PITPNC1: variants seen among roughly 807,000 people sequenced by gnomAD.
The protein encoded by PITPNC1 is cytoplasmic phosphatidylinositol transfer protein 1.
In PITPNC1, 18 loss-of-function variants were observed where a neutral mutation model predicts 44.7. That is an observed-to-expected ratio of 0.40 (90% CI 0.28 to 0.60). The LOEUF (loss-of-function observed/expected upper bound fraction) is 0.60. Ranked by LOEUF, PITPNC1 falls within the 20% of genes least tolerant of loss-of-function variation. PITPNC1 has a pLI of 0.39. For missense variants in PITPNC1, 290 were observed against 418.4 expected, an observed-to-expected ratio of 0.69 and a Z score of 2.68; for synonymous variants, 141 against 149.6, an observed-to-expected ratio of 0.94 and a Z score of 0.42.
intron 1 of PITPNC1, among the ~76,000 whole-genome samples, chr17:67,481,849 G>A (rs1007078903): frequency 9.2e-5 from 14 of 151,914 alleles, no homozygotes; most frequent in South Asian, 2.1e-4. Flanking sequence ...TTGAGAAACC[G>A]GACCAATAAC....
chr17:67,529,688 T>C (rs2144123180), intron 1 of PITPNC1, among the ~76,000 whole-genome samples: 1 of 152,302 alleles, frequency 6.6e-6, no homozygotes, highest in East Asian at 1.9e-4. Context: ...GGCTCATGCC[T>C]GTAATCCCAG....
Position 67,559,403 on chromosome 17 carries a change from C to T in PITPNC1, c.294+5786C>T, listed in dbSNP as rs116466044. Among the ~76,000 whole-genome samples, 1,468 of 152,284 alleles carry T rather than the reference C, an allele frequency of 9.6e-3. 22 individuals are homozygous for T. Among genetic ancestry groups the T allele is most frequent in the African/African-American group, 0.033 (1,384 of 41,552 alleles). On this transcript the variant is annotated intron_variant, in intron 4 of 8. Transcript: ENST00000581322. ...TTGAGGCCATGGAGTCAGGAGTTAG[C>T]GGGTTAGGAAATAACTTTTATCTAT... is the stretch of plus-strand genomic sequence containing the variant.
chr17:67,570,246 G>A lies in PITPNC1; in HGVS notation c.295-7940G>A, dbSNP rs1363169944. 2.0e-5 allele frequency among the ~76,000 whole-genome samples: 3 copies of A among 152,326 alleles called. No homozygotes were observed. In the East Asian group the frequency reaches 5.8e-4, roughly 29 times the overall value. On this transcript the variant is annotated intron_variant, in intron 4 of 8. Coordinates refer to ENST00000581322, the MANE Select transcript of PITPNC1 (RefSeq NM_012417.4). ...GTTCCCTGCATGAAGTCAGCAGGGG[G>A]CCAAGGGAAAGCTCAGAGAAGAGGC...
At chr17:67,590,810 G>A (rs145543436) in intron 5 of PITPNC1, among the ~76,000 whole-genome samples, 183 of 152,102 alleles carry the variant, frequency 1.2e-3, no homozygotes, top group African/African-American at 4.0e-3. Context: ...AAGATTAGCC[G>A]GGCGTGGTGG....
intron 6 of PITPNC1, among the ~76,000 whole-genome samples, chr17:67,656,330 G>A (rs912996930): frequency 3.9e-5 from 6 of 152,058 alleles, no homozygotes; most frequent in Non-Finnish European, 7.4e-5. Flanking sequence ...CTTGGTTTGT[G>A]ACTCCTTAAC....
At chr17:67,439,596 T>G (rs2038983871) in intron 1 of PITPNC1, among the ~76,000 whole-genome samples, 1 of 152,198 alleles carries the variant, frequency 6.6e-6, no homozygotes. Flanking sequence ...CTCTTCCACA[T>G]TTCACTCATT....
intron 1 of PITPNC1, among the ~76,000 whole-genome samples, chr17:67,434,797 CAAAA>C (rs148706274): frequency 1.9e-5 from 1 of 51,794 alleles, no homozygotes; most frequent in African/African-American, 7.8e-5. Context: ...GACTCTGCCT[CAAAA>C]AAAAAAAAAA....
At chr17:67,661,251 T>C (rs886799234) in intron 6 of PITPNC1, among the ~76,000 whole-genome samples, 3 of 151,954 alleles carry the variant, frequency 2.0e-5, no homozygotes, top group South Asian at 2.1e-4. Flanking sequence ...CTGGCAAAAT[T>C]AATAGAGAAG....
At chr17:67,495,048 T>G (rs1426846172) in intron 1 of PITPNC1, among the ~76,000 whole-genome samples, 5 of 62,780 alleles carry the variant, frequency 8.0e-5, no homozygotes, top group Non-Finnish European at 1.5e-4. Context: ...TTGTTTTTTT[T>G]TTTGTTTTTT....
At chr17:67,599,030 ATATATTTTTTTTTTT>A (rs2041504490) in intron 5 of PITPNC1, among the ~76,000 whole-genome samples, 2 of 30,204 alleles carry the variant, frequency 6.6e-5, no homozygotes, top group Non-Finnish European at 1.2e-4. Context: ...ATATATATAT[ATATATTTTTTTTTTT>A]TTTTTTTTTA....
At chr17:67,673,944 G>A (rs2042556191) in intron 7 of PITPNC1, among the ~76,000 whole-genome samples, 1 of 145,912 alleles carries the variant, frequency 6.9e-6, no homozygotes, top group Non-Finnish European at 1.5e-5. Flanking sequence ...TCCAGCCTAG[G>A]GGACAGAGCG....
chr17:67,633,257 A>G (rs1353176811), intron 6 of PITPNC1, among the ~76,000 whole-genome samples: 2 of 152,234 alleles, frequency 1.3e-5, no homozygotes, highest in Non-Finnish European at 2.9e-5. Context: ...GAGCCGTAAC[A>G]CGTGGACCTT....
At chr17:67,471,240 T>TAAA (rs758005772) in intron 1 of PITPNC1, among the ~76,000 whole-genome samples, 3 of 118,354 alleles carry the variant, frequency 2.5e-5, no homozygotes, top group African/African-American at 3.2e-5. Flanking sequence ...AAAAAAAATG[T>TAAA]AAAAAAAAAA....
chr17:67,571,815 C>CTGTCT (rs1379775829), intron 4 of PITPNC1, among the ~76,000 whole-genome samples: 3 of 152,226 alleles, frequency 2.0e-5, no homozygotes, highest in African/African-American at 4.8e-5. Flanking sequence ...GAGTGACTGA[C>CTGTCT]TGTCTTGTCT....
At chr17:67,434,315 G>A (rs1265372000) in intron 1 of PITPNC1, among the ~76,000 whole-genome samples, 2 of 152,196 alleles carry the variant, frequency 1.3e-5, no homozygotes, top group South Asian at 2.1e-4. Context: ...TCTGCTCTGT[G>A]CCTCTTTTGT....
At chr17:67,453,580 G>T (rs1048058929) in intron 1 of PITPNC1, among the ~76,000 whole-genome samples, 1 of 152,154 alleles carries the variant, frequency 6.6e-6, no homozygotes, top group African/African-American at 2.4e-5. Flanking sequence ...TGTAAAGAGA[G>T]TAAACAAATA....
intron 1 of PITPNC1, among the ~76,000 whole-genome samples, chr17:67,484,779 A>G (rs544296191): frequency 2.6e-5 from 4 of 152,220 alleles, no homozygotes; most frequent in African/African-American, 9.6e-5. Flanking sequence ...CTCTACTAAA[A>G]ATACAAAAAT....
chr17:67,614,321 T>C (rs1012410740), intron 5 of PITPNC1, among the ~76,000 whole-genome samples: 7 of 151,902 alleles, frequency 4.6e-5, no homozygotes, highest in Admixed American at 3.9e-4. Context: ...CTTTATTCTT[T>C]CCAAAATAAA....
intron 1 of PITPNC1, among the ~76,000 whole-genome samples, chr17:67,507,530 C>T (rs2040120887): frequency 6.6e-6 from 1 of 151,536 alleles, no homozygotes; most frequent in Non-Finnish European, 1.5e-5. Context: ...ACTAAAAATA[C>T]AAAAATTAGC....
Sources: allele counts gnomAD v4.1 joint callset (sites outside exome capture counted in the v4.1 genomes callset), GRCh38; gene constraint gnomAD v4.1.1; transcripts MANE v1.5; gene names NCBI Gene and HGNC (gene_info 2026-07-23, HGNC 2026-07-21).